The following ABTB2 variants were observed in gnomAD, a reference collection of about 807,000 sequenced individuals.
The protein encoded by ABTB2 is ankyrin repeat and BTB domain containing 2, also known as ankyrin repeat and BTB/POZ domain-containing protein 2.
A neutral mutation model predicts 104.1 loss-of-function variants in ABTB2; 56 were observed. The observed-to-expected ratio is 0.54, with a 90% confidence interval of 0.43 to 0.67. The LOEUF (loss-of-function observed/expected upper bound fraction) is 0.67, where lower values mean the gene tolerates loss of function less well. Ranked by LOEUF, ABTB2 falls within the 30% of genes least tolerant of loss-of-function variation. The pLI is 0.00. For synonymous variants in ABTB2, 606 were observed against 608.2 expected (o/e 1.00, Z 0.05); for missense variants, 1,279 against 1,407.7 (o/e 0.91, Z 1.46).
Position 34,154,434 on chromosome 11 carries a change from C to T in ABTB2, c.2767-56G>A. 1 of 1,283,844 alleles carries T rather than the reference C, an allele frequency of 7.8e-7. No individual in the cohort carries two copies. The highest frequency in any genetic ancestry group is 2.4e-5 in the East Asian group (1 of 40,832). 79.5% of individuals were successfully genotyped at this position (1,283,844 alleles called of 1,614,324 possible). ...CCCATGGCCAGACCAGTGGCCCAGA[C>T]AGCACCGAACAGAAAGCTCCCGAGT... On this transcript the variant is annotated intron_variant, in intron 15 of 16. Coordinates refer to ENST00000435224, the MANE Select transcript of ABTB2 (RefSeq NM_145804.3). The surrounding 1 kb of genome is among the most constrained non-coding windows in gnomAD (Gnocchi z 4.9).
chr11:34,274,157 TCA>T (rs1854354655), intron 1 of ABTB2, among the ~76,000 whole-genome samples: 1 of 22,746 alleles, frequency 4.4e-5, no homozygotes, highest in Non-Finnish European at 6.8e-5. Context: ...AGACTCCGTC[TCA>T]AAAAAAAAAA....
chr11:34,290,696 A>AAAAG lies in ABTB2; in HGVS notation c.883+66004_883+66005insCTTT, dbSNP rs201440368. On this transcript the variant is annotated intron_variant, in intron 1 of 16. Transcript: ENST00000435224. ...CGTCTCTATAAAAAATGAAAAAAGA[A>AAAAG]AAACAAAGAAAGAAAGAAAGAAAAA... 1.4e-4 allele frequency among the ~76,000 whole-genome samples: 22 copies of AAAAG among 152,286 alleles called. No individual in the cohort carries two copies. In the East Asian group the frequency reaches 3.1e-3, roughly 21 times the overall value.
rs898882067 is a variant in ABTB2 at position 34,192,563 on chromosome 11, A to G, written c.1244+4762T>C. On this transcript the variant is annotated intron_variant, in intron 3 of 16. Transcript: ENST00000435224. Reference sequence around the variant, plus strand: ...CTGTTTTCATGTCCTGGATACCAGCAGGCTCCAAGCCTTCTGAGTGTGCCA... The same window carrying G: ...CTGTTTTCATGTCCTGGATACCAGCGGGCTCCAAGCCTTCTGAGTGTGCCA... 2.6e-5 allele frequency among the ~76,000 whole-genome samples: 4 copies of G among 152,340 alleles called. No homozygotes were observed. The Middle Eastern group carries it at 0.01, about 389-fold the overall frequency.
At chr11:34,255,201 A>G (rs1457061633) in intron 1 of ABTB2, among the ~76,000 whole-genome samples, 1 of 152,174 alleles carries the variant, frequency 6.6e-6, no homozygotes, top group African/African-American at 2.4e-5. Context: ...CTAAACTCCT[A>G]AACTATTTCC....
chr11:34,152,562 G>A lies in ABTB2; in HGVS notation c.2903C>T (p.Ala968Val). The A allele has an allele frequency of 1.9e-6, 3 of 1,612,684 alleles. No homozygotes were observed. The highest frequency in any genetic ancestry group is 1.7e-6 in the Non-Finnish European group (2 of 1,179,666). The change falls in exon 17 of 17, where the codon GCC (alanine) becomes GTC (valine). Residue 968 changes from alanine to valine, a missense_variant. Ala to Val is a moderately conservative substitution (Grantham distance 64). Coordinates refer to ENST00000435224, the MANE Select transcript of ABTB2 (RefSeq NM_145804.3). ...YAKIHNAPEL[A>V]LFCEGFFLKH... The stretch of plus-strand genomic sequence containing the variant: ...GAGGAAGAAGCCCTCACAGAACAGG[G>A]CCAGTTCTGGGGCATTGTGGATCTG...
In ABTB2 at chr11:34,303,161, G is replaced by A. The variant is rs184583881; in HGVS notation, c.883+53540C>T. ...ATTTATGGTACTTAGGAAGATGGCA[G>A]TAGTCAGCTCACTTCATTGGTCAAG... On this transcript the variant is annotated intron_variant, in intron 1 of 16. Coordinates refer to ENST00000435224, the MANE Select transcript of ABTB2 (RefSeq NM_145804.3). Among the ~76,000 whole-genome samples the A allele has an allele frequency of 9.2e-5, 14 of 152,308 alleles. 1 individual carries two copies. In the East Asian group the frequency reaches 2.5e-3, roughly 27 times the overall value.
chr11:34,265,934 A>C (rs1854243824), intron 1 of ABTB2, among the ~76,000 whole-genome samples: 1 of 152,164 alleles, frequency 6.6e-6, no homozygotes, highest in Admixed American at 6.5e-5. Context: ...ACGCCACTGC[A>C]TTCCAGCCTG....
intron 1 of ABTB2, among the ~76,000 whole-genome samples, chr11:34,290,679 T>C (rs1230483791): frequency 6.6e-6 from 1 of 151,206 alleles, no homozygotes; most frequent in African/African-American, 2.4e-5. Flanking sequence ...CTCGTCTCTA[T>C]AAAAAATGAA....
At chr11:34,324,618 T>C (rs531654599) in intron 1 of ABTB2, among the ~76,000 whole-genome samples, 49 of 152,328 alleles carry the variant, frequency 3.2e-4, no homozygotes, top group African/African-American at 1.2e-3. Context: ...TGGTCAGTAA[T>C]GCTGCCAGAC....
At chr11:34,222,382 CTAGTCTT>C in intron 1 of ABTB2, among the ~76,000 whole-genome samples, 1 of 152,282 alleles carries the variant, frequency 6.6e-6, no homozygotes, top group Middle Eastern at 3.4e-3. Flanking sequence ...ATGGCCTGAA[CTAGTCTT>C]TCAGGTTAAA....
chr11:34,159,414 G>C, intron 13 of ABTB2, 28 bp from the exon 14 acceptor site: 5 of 1,541,830 alleles, frequency 3.2e-6, no homozygotes, highest in Non-Finnish European at 4.5e-6. Flanking sequence ...AAGCAAGGTG[G>C]GTTTTGAACC....
At chr11:34,203,978 C>T (rs1177063074) in intron 2 of ABTB2, among the ~76,000 whole-genome samples, 1 of 152,166 alleles carries the variant, frequency 6.6e-6, no homozygotes, top group Non-Finnish European at 1.5e-5. Flanking sequence ...TTTCATCTCT[C>T]CTAACACCCT....
intron 1 of ABTB2, among the ~76,000 whole-genome samples, chr11:34,282,973 A>G (rs1854465316): frequency 1.3e-5 from 2 of 150,864 alleles, no homozygotes; most frequent in Non-Finnish European, 1.5e-5. Context: ...CAGTGGCACG[A>G]TCTCGGCTCA....
chr11:34,351,901 T>C (rs1855403651), intron 1 of ABTB2, among the ~76,000 whole-genome samples: 1 of 151,968 alleles, frequency 6.6e-6, no homozygotes, highest in Non-Finnish European at 1.5e-5. Flanking sequence ...TCTTACTACT[T>C]AAGGCTAGGG....
intron 1 of ABTB2, among the ~76,000 whole-genome samples, chr11:34,207,423 CA>C (rs1853422698): frequency 6.6e-6 from 1 of 152,202 alleles, no homozygotes; most frequent in African/African-American, 2.4e-5. Context: ...AATACCGTGG[CA>C]AAAGTAATTA....
At chr11:34,282,572 G>C (rs982874497) in intron 1 of ABTB2, among the ~76,000 whole-genome samples, 1 of 151,846 alleles carries the variant, frequency 6.6e-6, no homozygotes, top group African/African-American at 2.4e-5. Context: ...TGTTGCCCAG[G>C]CTGGAGTGCA....
chr11:34,298,463 TA>T (rs142836979), intron 1 of ABTB2, among the ~76,000 whole-genome samples: 15,063 of 149,840 alleles, frequency 0.1, 2,280 homozygotes, highest in African/African-American at 0.33. Context: ...TTAAAAAAAT[TA>T]AAAAAAAAAT....
At chr11:34,296,129 C>A (rs1227364557) in intron 1 of ABTB2, among the ~76,000 whole-genome samples, 1 of 152,146 alleles carries the variant, frequency 6.6e-6, no homozygotes, top group Non-Finnish European at 1.5e-5. Flanking sequence ...AATACCTTGT[C>A]TCTAAAGAAG....
intron 1 of ABTB2, among the ~76,000 whole-genome samples, chr11:34,243,511 T>C (rs758877315): frequency 6.6e-6 from 1 of 152,132 alleles, no homozygotes; most frequent in Non-Finnish European, 1.5e-5. Context: ...ACAACAGAAA[T>C]CACTGACACT....
Sources: gnomAD v4.1 joint callset for allele counts (sites outside exome capture counted in the v4.1 genomes callset) on GRCh38, gnomAD v4.1.1 for gene constraint, Gnocchi (gnomAD v3.1) non-coding constraint, MANE v1.5 for transcripts, NCBI Gene and HGNC (gene_info 2026-07-23, HGNC 2026-07-21) for gene names.